FZD6: variants seen among roughly 807,000 people sequenced by gnomAD.
FZD6 encodes the protein frizzled-6.
A neutral mutation model predicts 61.4 loss-of-function variants in FZD6; 49 were observed. That is an observed-to-expected ratio of 0.80 (90% CI 0.63 to 1.01). The LOEUF (loss-of-function observed/expected upper bound fraction) is 1.01. Ranked by LOEUF, FZD6 falls within the 50% of genes least tolerant of loss-of-function variation. FZD6 has a pLI of 0.00. For missense variants in FZD6, 724 were observed against 848.2 expected (o/e 0.85, Z 1.82); for synonymous variants, 265 against 292.2 (o/e 0.91, Z 0.95).
At position 103,330,008 on chromosome 8, in the gene FZD6, A is replaced by G; in HGVS notation, c.1895A>G (p.Gln632Arg). ...AASISRLSGE[Q>R]VDGKGQAGSV... ...TCCATCTCCAGACTCTCTGGGGAAC[A>G]GGTCGACGGGAAGGGCCAGGCAGGC... The change falls in exon 6 of 7, where the codon CAG becomes CGG. Residue 632 changes from glutamine (Q) to arginine (R), a missense_variant. Coordinates refer to ENST00000358755, the MANE Select transcript of FZD6 (RefSeq NM_003506.4). 1.2e-6 allele frequency: 2 copies of G among 1,614,076 alleles called. No individual in the cohort carries two copies. Among genetic ancestry groups the G allele is most frequent in the Non-Finnish European group, 1.7e-6 (2 of 1,179,912 alleles).
At chr8:103,322,493 G>C (rs1814820409) in intron 3 of FZD6, among the ~76,000 whole-genome samples, 1 of 151,992 alleles carries the variant, frequency 6.6e-6, no homozygotes. Flanking sequence ...TTGATCATTT[G>C]CAATTAGAGT....
intron 2 of FZD6, among the ~76,000 whole-genome samples, chr8:103,308,104 A>C (rs1366138065): frequency 6.6e-6 from 1 of 152,106 alleles, no homozygotes; most frequent in African/African-American, 2.4e-5. Flanking sequence ...ATGCTATTGG[A>C]TCTGGGCACT....
intron 4 of FZD6, among the ~76,000 whole-genome samples, chr8:103,327,087 G>A (rs541041643): frequency 1.4e-4 from 21 of 152,230 alleles, no homozygotes; most frequent in Middle Eastern, 3.4e-3. Context: ...AAGCAATTTC[G>A]CGGTATGTAC....
intron 4 of FZD6, 38 bp downstream of exon 4, chr8:103,325,536 T>G (rs1356972661): frequency 1.4e-6 from 2 of 1,448,092 alleles, no homozygotes; most frequent in East Asian, 4.5e-5. Context: ...CTATTTACAT[T>G]TAATGTAGAA....
rs1045087955 is a variant in FZD6, at chr8:103,332,284, A to T, written c.*775A>T. On this transcript the variant is annotated 3_prime_UTR_variant, in exon 7 of 7. Transcript: ENST00000358755. ...AAATAAAATGTCCTAAAGGGTTAGT[A>T]GACAAAATGTTAGTCTTTTGTATAT... 1.3e-5 allele frequency: 2 copies of T among 152,236 alleles called. No homozygotes were observed. Among genetic ancestry groups the T allele is most frequent in the African/African-American group, 2.4e-5 (1 of 41,472 alleles). The allele number at this position is 152,236 out of a possible 1,614,324, so 9.4% of individuals were successfully genotyped here.
chr8:103,325,233 G>C lies in FZD6; in HGVS notation c.1127G>C (p.Cys376Ser). ...CGCTACTTTGTACTCTTGCCACTGT[G>C]CCTTTGTGTGTTTGTTGGGCTCTCT... is the stretch of plus-strand genomic sequence containing the variant. ...ASRYFVLLPL[C>S]LCVFVGLSLL... is the part of the protein sequence containing the mutation. The change falls in exon 4 of 7, where the codon TGC (cysteine) becomes TCC (serine). Residue 376 changes from cysteine to serine, a missense_variant. Physicochemically the swap from Cys to Ser is moderately radical, Grantham distance 112. Coordinates refer to ENST00000358755, the MANE Select transcript of FZD6 (RefSeq NM_003506.4). 6.2e-7 allele frequency: 1 copy of C among 1,614,158 alleles called. No individual in the cohort carries two copies. The highest frequency in any genetic ancestry group is 8.5e-7 in the Non-Finnish European group (1 of 1,180,018).
intron 2 of FZD6, among the ~76,000 whole-genome samples, chr8:103,311,282 C>T (rs1439987739): frequency 6.6e-6 from 1 of 152,150 alleles, no homozygotes; most frequent in African/African-American, 2.4e-5. Flanking sequence ...ACCCTCTCCC[C>T]AGGAATCACA....
At position 103,318,598 on chromosome 8, in the gene FZD6, T is replaced by C. The variant is rs768322300; in HGVS notation, c.186T>C (p.Leu62=). ...CTTGATGTCTTTAATAGCATTTTCT[T>C]CCTCTCGCAAATCTGGAATGTTCAC... ...SIAAVEMEHF[L]PLANLECSPN... Residue 62 remains leucine, a synonymous_variant, in exon 3 of 7, where the codon CTT becomes CTC. Coordinates refer to ENST00000358755, the MANE Select transcript of FZD6 (RefSeq NM_003506.4). 1 of 1,595,560 alleles carries C rather than the reference T, an allele frequency of 6.3e-7. No individual in the cohort carries two copies.
chr8:103,307,281 A>G (rs1814364054), intron 2 of FZD6, among the ~76,000 whole-genome samples: 1 of 141,716 alleles, frequency 7.1e-6, no homozygotes, highest in Non-Finnish European at 1.6e-5. Context: ...GGCCCATATT[A>G]TGGTTCCTTT....
intron 6 of FZD6, 128 bp downstream of exon 6, chr8:103,330,193 T>G: frequency 1.2e-6 from 1 of 849,790 alleles, no homozygotes; most frequent in Non-Finnish European, 1.9e-6. Flanking sequence ...CCAAGGAAGT[T>G]TGGGTTCAGC....
chr8:103,317,698 C>T (rs576594127), intron 2 of FZD6, among the ~76,000 whole-genome samples: 2 of 151,954 alleles, frequency 1.3e-5, no homozygotes, highest in East Asian at 1.9e-4. Context: ...TAGTGGCATG[C>T]GCCTATAGTC....
intron 2 of FZD6, among the ~76,000 whole-genome samples, chr8:103,303,158 T>C (rs1814220286): frequency 1.3e-5 from 2 of 152,200 alleles, no homozygotes; most frequent in African/African-American, 4.8e-5. Context: ...TGTGGGACCC[T>C]GGCTGCTTGT....
chr8:103,328,212 C>A, intron 4 of FZD6, 56 bp from the exon 5 acceptor site: 1 of 1,318,802 alleles, frequency 7.6e-7, no homozygotes, highest in Non-Finnish European at 1.1e-6. Flanking sequence ...ACAATATAGA[C>A]TTCTTTCCAC....
At chr8:103,314,246 C>A (rs1814572739) in intron 2 of FZD6, among the ~76,000 whole-genome samples, 2 of 152,106 alleles carry the variant, frequency 1.3e-5, no homozygotes, top group South Asian at 4.1e-4. Context: ...AAGTGCTGAC[C>A]ACCAGTTAAT....
intron 2 of FZD6, among the ~76,000 whole-genome samples, chr8:103,316,806 G>A (rs1479443413): frequency 6.6e-6 from 1 of 152,062 alleles, no homozygotes; most frequent in Non-Finnish European, 1.5e-5. Context: ...GCTCTGAAAT[G>A]TTTTATTGAT....
At chr8:103,313,834 ATAGAT>A (rs1236701123) in intron 2 of FZD6, among the ~76,000 whole-genome samples, 2 of 151,528 alleles carry the variant, frequency 1.3e-5, no homozygotes, top group African/African-American at 2.4e-5. Context: ...TTTCAAATGT[ATAGAT>A]TAAAGTGCCA....
In FZD6 at chr8:103,324,859, A is replaced by G. The variant is rs1190101834; in HGVS notation, c.753A>G (p.Gly251=). The change falls in exon 4 of 7, where the codon GGA becomes GGG. Residue 251 remains glycine (G), a synonymous_variant. Transcript: ENST00000358755. ...TTGTATCTCTTATGTACTTCATTGG[A>G]TTTTTGCTAGGCGATAGCACAGCCT... ...YSIVSLMYFI[G]FLLGDSTACN... is the part of the protein sequence containing the mutation. 1 of 1,613,840 alleles carries G rather than the reference A, an allele frequency of 6.2e-7. No homozygotes were observed. Among genetic ancestry groups the G allele is most frequent in the Admixed American group, 1.7e-5 (1 of 59,974 alleles).
intron 2 of FZD6, among the ~76,000 whole-genome samples, chr8:103,300,796 T>G (rs1452014483): frequency 6.6e-6 from 1 of 152,320 alleles, no homozygotes; most frequent in Middle Eastern, 3.4e-3. Context: ...AAAGTGACTT[T>G]GTTTTCTAAG....
intron 2 of FZD6, among the ~76,000 whole-genome samples, chr8:103,303,096 C>T (rs1666784647): frequency 6.6e-6 from 1 of 152,170 alleles, no homozygotes; most frequent in Admixed American, 6.5e-5. Context: ...TCATCATTTT[C>T]CCTAAAGCTG....
Sources: gnomAD v4.1 joint callset for allele counts (sites outside exome capture counted in the v4.1 genomes callset) on GRCh38, gnomAD v4.1.1 for gene constraint, MANE v1.5 for transcripts, NCBI Gene and HGNC (gene_info 2026-07-23, HGNC 2026-07-21) for gene names.